The following SHANK2 variants were observed in gnomAD, a reference collection of about 807,000 sequenced individuals.
The protein encoded by SHANK2 is SH3 and multiple ankyrin repeat domains 2.
A neutral mutation model predicts 133.7 loss-of-function variants in SHANK2; 43 were observed. The ratio of observed to expected loss-of-function variants is 0.32; its 90% confidence interval spans 0.25 to 0.41. The LOEUF (loss-of-function observed/expected upper bound fraction) is 0.41, where lower values mean the gene tolerates loss of function less well. Among genes scored for constraint, SHANK2 ranks in the 10% least tolerant of loss-of-function variants. The pLI, the probability that SHANK2 is intolerant of heterozygous loss-of-function variation, is 1.00. For synonymous variants in SHANK2, 1,017 were observed against 952.8 expected, an observed-to-expected ratio of 1.07 and a Z score of -1.24; for missense variants, 1,994 against 2,235.8, an observed-to-expected ratio of 0.89 and a Z score of 2.18.
chr11:70,911,518 G>A (rs574027425), intron 10 of SHANK2, among the ~76,000 whole-genome samples: 1 of 152,136 alleles, frequency 6.6e-6, no homozygotes, highest in Admixed American at 6.5e-5. Flanking sequence ...TGTGAAGTAG[G>A]TGGTTTTAAA....
intron 2 of SHANK2, among the ~76,000 whole-genome samples, chr11:71,193,273 C>T (rs1953827503): frequency 6.6e-6 from 1 of 152,208 alleles, no homozygotes. Flanking sequence ...CCCATGGGTT[C>T]TGGGGCCGTC....
chr11:70,486,394 A>G lies in SHANK2; in HGVS notation c.3899T>C (p.Ile1300Thr), dbSNP rs782206898. 1.4e-5 allele frequency: 23 copies of G among 1,613,790 alleles called. No homozygotes were observed. The highest frequency in any genetic ancestry group is 1.9e-5 in the Non-Finnish European group (23 of 1,179,966). ...CTGCTGGGACGTGTCCATGATGTCG[A>G]TCAGCATGTTCTTCTTGTCATCGCC... ...RKGDDKKNMLIDIMDTSQQKS... is the reference protein window; with the variant it reads ...RKGDDKKNMLTDIMDTSQQKS... Residue 1300 changes from isoleucine (I) to threonine (T), a missense_variant, in exon 25 of 26, where the codon ATC (isoleucine) becomes ACC (threonine). By Grantham distance (89) the Ile-to-Thr change is moderately conservative. This residue lies in a region of SHANK2 where 797 missense variants were observed against 907.4 expected (regional missense o/e 0.88). Coordinates refer to ENST00000601538, the MANE Select transcript of SHANK2 (RefSeq NM_012309.5). This position sits in a 1 kb window ranked among gnomAD's most constrained non-coding sequence, Gnocchi z 8.0.
At chr11:70,949,263 G>A (rs1322295673) in intron 10 of SHANK2, among the ~76,000 whole-genome samples, 2 of 152,276 alleles carry the variant, frequency 1.3e-5, no homozygotes, top group Admixed American at 1.3e-4. Flanking sequence ...TCCCGGCTCC[G>A]CCCACAGAAC....
intron 2 of SHANK2, among the ~76,000 whole-genome samples, chr11:71,161,592 A>G (rs1953018965): frequency 1.3e-5 from 2 of 152,356 alleles, no homozygotes; most frequent in South Asian, 4.1e-4. Context: ...AGGTCTTTAC[A>G]TAATAACAAC....
At chr11:70,858,095 G>A (rs1949198729) in intron 11 of SHANK2, among the ~76,000 whole-genome samples, 3 of 152,172 alleles carry the variant, frequency 2.0e-5, no homozygotes, top group African/African-American at 7.2e-5. Flanking sequence ...CAGCCCAAAT[G>A]TGCCAGGAGC....
At chr11:70,618,242 C>A (rs2060781054) in intron 17 of SHANK2, among the ~76,000 whole-genome samples, 1 of 146,598 alleles carries the variant, frequency 6.8e-6, no homozygotes, top group Non-Finnish European at 1.5e-5. Context: ...TGCAGTGAGC[C>A]AAGATCACAC....
At chr11:70,524,517 G>C (rs1187346758) in intron 17 of SHANK2, among the ~76,000 whole-genome samples, 1 of 152,222 alleles carries the variant, frequency 6.6e-6, no homozygotes, top group African/African-American at 2.4e-5. Flanking sequence ...AGGAGTACTA[G>C]TAGGAGTCTG....
intron 17 of SHANK2, among the ~76,000 whole-genome samples, chr11:70,656,456 C>T (rs1325721548): frequency 2.0e-5 from 3 of 152,160 alleles, no homozygotes; most frequent in Non-Finnish European, 4.4e-5. Flanking sequence ...CTCAGCAGGT[C>T]CCACGGGCAT....
chr11:70,526,791 C>CCCCT (rs1385955766), intron 17 of SHANK2, among the ~76,000 whole-genome samples: 2 of 151,732 alleles, frequency 1.3e-5, no homozygotes, highest in Non-Finnish European at 2.9e-5. Context: ...AGGCAAGGAC[C>CCCCT]CCCTCCCTCC....
chr11:70,597,876 ACAACCAAC>A (rs528520165), intron 17 of SHANK2, among the ~76,000 whole-genome samples: 6 of 152,156 alleles, frequency 3.9e-5, no homozygotes, highest in African/African-American at 1.4e-4. Context: ...CCATCTCAAA[ACAACCAAC>A]CAACCAACCA....
rs187058918 is a variant in SHANK2, at chr11:70,770,006, G to C, written c.1777+28437C>G. ...CCCTATCCCTGGGCCATGGAGGAAG[G>C]CCTTACGTAACCTTGTGTTGAGCAT... is the stretch of plus-strand genomic sequence containing the variant. On this transcript the variant is annotated intron_variant, in intron 14 of 25. Transcript: ENST00000601538. 8.1e-3 allele frequency among the ~76,000 whole-genome samples: 1,232 copies of C among 152,326 alleles called. 11 individuals are homozygous for C. Among genetic ancestry groups the C allele is most frequent in the Non-Finnish European group, 0.012 (832 of 68,022 alleles).
Position 70,468,666 on chromosome 11 carries a change from C to A in SHANK2, c.*4203G>T, listed in dbSNP as rs1307298044. ...TTGGAAGCAAAGTCTAGGGGGGTGC[C>A]AAGGTTTGGGAGAAACTATTGGATG... On this transcript the variant is annotated 3_prime_UTR_variant, in exon 26 of 26. Transcript: ENST00000601538. 1 of 152,054 alleles carries A rather than the reference C, an allele frequency of 6.6e-6. No homozygotes were observed. Among genetic ancestry groups the A allele is most frequent in the Non-Finnish European group, 1.5e-5 (1 of 68,034 alleles). 9.4% of individuals were successfully genotyped at this position (152,054 alleles called of 1,614,324 possible).
At chr11:71,126,012 G>C (rs1181101389) in intron 3 of SHANK2, among the ~76,000 whole-genome samples, 1 of 152,038 alleles carries the variant, frequency 6.6e-6, no homozygotes, top group African/African-American at 2.4e-5. Flanking sequence ...GAGGTCAAGA[G>C]ACAGAGACCA....
Position 70,636,592 on chromosome 11 carries a change from TGA to T in SHANK2, c.2061+23234_2061+23235del, listed in dbSNP as rs782748355. On this transcript the variant is annotated intron_variant, in intron 17 of 25. Coordinates refer to ENST00000601538, the MANE Select transcript of SHANK2 (RefSeq NM_012309.5). ...GTGTGTGTATGAATGTGAGTCTGTG[TGA>T]GTGTATGAGTGTGTGTATGCGAGCA... Among the ~76,000 whole-genome samples, 143 of 149,608 alleles carry T rather than the reference TGA, an allele frequency of 9.6e-4. 1 individual carries two copies. The highest frequency in any genetic ancestry group is 4.1e-3 in the South Asian group (19 of 4,684).
At chr11:70,799,637 C>T (rs1278180625) in intron 13 of SHANK2, among the ~76,000 whole-genome samples, 3 of 152,074 alleles carry the variant, frequency 2.0e-5, no homozygotes, top group African/African-American at 7.2e-5. Flanking sequence ...TTCTTTCTGA[C>T]TTGTGGTTGA....
At chr11:70,753,481 TAAC>T (rs782480028) in intron 14 of SHANK2, among the ~76,000 whole-genome samples, 7 of 151,558 alleles carry the variant, frequency 4.6e-5, no homozygotes, top group Non-Finnish European at 1.0e-4. Context: ...AGGAAGCAAA[TAAC>T]AAAATAAGGA....
Position 70,808,925 on chromosome 11 carries a change from G to A in SHANK2, c.1494-1754C>T, listed in dbSNP as rs185817484. Among the ~76,000 whole-genome samples the A allele has an allele frequency of 4.7e-4, 71 of 152,232 alleles. 1 individual carries two copies. Among genetic ancestry groups the A allele is most frequent in the African/African-American group, 1.6e-3 (65 of 41,530 alleles). On this transcript the variant is annotated intron_variant, in intron 12 of 25. Coordinates refer to ENST00000601538, the MANE Select transcript of SHANK2 (RefSeq NM_012309.5). ...CAGTGCAGTTCCCAGCGGCCCCAGC[G>A]AACCACGCTAGAGGAACTCATATCC... is the stretch of plus-strand genomic sequence containing the variant.
At chr11:70,638,121 G>A (rs1197285436) in intron 17 of SHANK2, among the ~76,000 whole-genome samples, 1 of 152,260 alleles carries the variant, frequency 6.6e-6, no homozygotes, top group Non-Finnish European at 1.5e-5. Flanking sequence ...CTCCTGCAAA[G>A]AAGTTGATCC....
chr11:70,845,871 G>A (rs940370826), intron 11 of SHANK2, among the ~76,000 whole-genome samples: 10 of 152,320 alleles, frequency 6.6e-5, no homozygotes, highest in South Asian at 4.1e-4. Context: ...AACCGCCAGT[G>A]TTTGTCTCCG....
Sources: allele counts gnomAD v4.1 joint callset (sites outside exome capture counted in the v4.1 genomes callset), GRCh38; gene constraint gnomAD v4.1.1; regional missense constraint gnomAD v4.1.1; non-coding constraint Gnocchi (gnomAD v3.1); transcripts MANE v1.5; gene names NCBI Gene and HGNC (gene_info 2026-07-23, HGNC 2026-07-21).